The following PRKCA variants were observed in gnomAD, a reference collection of about 807,000 sequenced individuals.
PRKCA encodes the protein protein kinase C alpha.
Under a neutral mutation model 87.0 loss-of-function variants are expected in PRKCA, and 27 were observed. The observed-to-expected ratio is 0.31, with a 90% CI of 0.23 to 0.43. PRKCA has a LOEUF of 0.43. Among genes scored for constraint, PRKCA ranks in the 20% least tolerant of loss-of-function variants. The pLI, the probability that PRKCA is intolerant of heterozygous loss-of-function variation, is 1.00. For synonymous variants in PRKCA, 329 were observed against 311.1 expected (o/e 1.06, Z -0.61); for missense variants, 518 against 852.3 (o/e 0.61, Z 4.88).
chr17:66,313,106 C>T (rs116054863), intron 2 of PRKCA, among the ~76,000 whole-genome samples: 3,512 of 152,132 alleles, frequency 0.023, 138 homozygotes, highest in African/African-American at 0.08. Flanking sequence ...GTTTTGAGTG[C>T]GAGGACTGAG....
intron 3 of PRKCA, among the ~76,000 whole-genome samples, chr17:66,585,370 T>A (rs1475582196): frequency 6.6e-6 from 1 of 152,224 alleles, no homozygotes; most frequent in Non-Finnish European, 1.5e-5. Context: ...TCCAGCTTGC[T>A]TATCTATGTC....
chr17:66,731,779 T>A, intron 8 of PRKCA, among the ~76,000 whole-genome samples: 1 of 102,466 alleles, frequency 9.8e-6, no homozygotes, highest in African/African-American at 3.6e-5. Context: ...CCCTTTCTTT[T>A]TTTTTTTTTT....
chr17:66,686,662 CCTT>C (rs1206379299), intron 5 of PRKCA, among the ~76,000 whole-genome samples: 1 of 152,120 alleles, frequency 6.6e-6, no homozygotes, highest in Non-Finnish European at 1.5e-5. Flanking sequence ...AGGGATAACA[CCTT>C]CTGGGAGCTC....
At chr17:66,565,114 G>C (rs1262166933) in intron 3 of PRKCA, among the ~76,000 whole-genome samples, 2 of 152,312 alleles carry the variant, frequency 1.3e-5, no homozygotes, top group East Asian at 3.9e-4. Flanking sequence ...ACTTTTGGCA[G>C]TTCCTTACCC....
chr17:66,703,744 G>A (rs985686305), intron 8 of PRKCA: 1 of 151,360 alleles, frequency 6.6e-6, no homozygotes, highest in African/African-American at 2.4e-5. Context: ...GCAGTGAGCT[G>A]AGATCGTGCC....
chr17:66,592,507 C>T (rs1969840794), intron 3 of PRKCA, among the ~76,000 whole-genome samples: 1 of 146,176 alleles, frequency 6.8e-6, no homozygotes, highest in Admixed American at 6.7e-5. Flanking sequence ...GTAAAACTTC[C>T]TCCTTTGTTC....
intron 2 of PRKCA, among the ~76,000 whole-genome samples, chr17:66,392,248 A>G (rs1240914837): frequency 6.6e-6 from 1 of 151,946 alleles, no homozygotes; most frequent in Admixed American, 6.6e-5. Context: ...CAAAAAAAAA[A>G]ATGTGGTTAC....
At chr17:66,641,332 C>A (rs1971291813) in intron 3 of PRKCA, 23 bp from the exon 4 acceptor site, 2 of 1,560,106 alleles carry the variant, frequency 1.3e-6, no homozygotes, top group East Asian at 2.2e-5. Context: ...CTAAAATGAG[C>A]ATTGTGCTTC....
At chr17:66,650,060 G>A (rs572591681) in intron 5 of PRKCA, among the ~76,000 whole-genome samples, 268 of 152,308 alleles carry the variant, frequency 1.8e-3, no homozygotes, top group African/African-American at 5.9e-3. Flanking sequence ...GTCCAGATGC[G>A]AGTGATTTCT....
Position 66,403,734 on chromosome 17 carries a change from C to A in PRKCA, c.206-92467C>A, listed in dbSNP as rs572156715. Reference sequence around the variant, plus strand: ...ACAGAACTCAGCAGTAGCCATAAATCCATTTATGAACAGTTCAAGTAATAG... The same window carrying A: ...ACAGAACTCAGCAGTAGCCATAAATACATTTATGAACAGTTCAAGTAATAG... On this transcript the variant is annotated intron_variant, in intron 2 of 16. Transcript: ENST00000413366. 7 of 152,174 alleles carry A rather than the reference C, an allele frequency of 4.6e-5. No homozygotes were observed. The South Asian group carries it at 1.5e-3, about 32-fold the overall frequency. 9.4% of individuals were successfully genotyped at this position (152,174 alleles called of 1,614,324 possible). A position where few individuals can be genotyped will look rare whatever the true frequency, so the allele number is the denominator to read the frequency against.
intron 2 of PRKCA, among the ~76,000 whole-genome samples, chr17:66,436,069 G>A (rs1257457714): frequency 6.6e-6 from 1 of 152,098 alleles, no homozygotes; most frequent in Non-Finnish European, 1.5e-5. Flanking sequence ...GAAAAGGGGG[G>A]TCCCATTTTC....
At chr17:66,796,911 G>C in intron 16 of PRKCA, 1 of 985,340 alleles carries the variant, frequency 1.0e-6, no homozygotes, top group South Asian at 4.7e-5. Flanking sequence ...ACCTCGTTAG[G>C]TTTCCTTTCT....
intron 3 of PRKCA, among the ~76,000 whole-genome samples, chr17:66,640,640 A>C (rs973297750): frequency 3.9e-5 from 6 of 152,196 alleles, no homozygotes; most frequent in Non-Finnish European, 5.9e-5. Flanking sequence ...TGAATGATCC[A>C]TTTAGGGTTG....
intron 8 of PRKCA, among the ~76,000 whole-genome samples, chr17:66,729,677 A>AT (rs1973836872): frequency 6.6e-6 from 1 of 151,898 alleles, no homozygotes; most frequent in African/African-American, 2.4e-5. Flanking sequence ...TATCAGGGCC[A>AT]TCTCTCCCTC....
chr17:66,656,427 T>C (rs988494705), intron 5 of PRKCA, among the ~76,000 whole-genome samples: 5 of 152,238 alleles, frequency 3.3e-5, no homozygotes, highest in African/African-American at 7.2e-5. Context: ...GACATTGATA[T>C]TGACTGAGCA....
rs896840161 is a variant in PRKCA at position 66,578,135 on chromosome 17, TAAAACAAAAC to T, written c.289-63203_289-63194del. ...CAGCCAGCTAACGAGAGACTGAATT[TAAAACAAAAC>T]AAAACAAAACAAAACAGCCCTCATT... On this transcript the variant is annotated intron_variant, in intron 3 of 16. Transcript: ENST00000413366. Among the ~76,000 whole-genome samples, 378 of 140,466 alleles carry T rather than the reference TAAAACAAAAC, an allele frequency of 2.7e-3. 4 individuals carry two copies. The highest frequency in any genetic ancestry group is 4.0e-3 in the Non-Finnish European group (261 of 64,882). The allele number at this position is 140,466 out of a possible 152,430, so 92.2% of individuals were successfully genotyped here.
chr17:66,313,021 G>C (rs1171916854), intron 2 of PRKCA, among the ~76,000 whole-genome samples: 1 of 152,070 alleles, frequency 6.6e-6, no homozygotes, highest in Non-Finnish European at 1.5e-5. Flanking sequence ...TTACAGGCGT[G>C]AGCTCCCGCG....
chr17:66,329,589 G>A (rs1906199170), intron 2 of PRKCA, among the ~76,000 whole-genome samples: 1 of 152,194 alleles, frequency 6.6e-6, no homozygotes, highest in Non-Finnish European at 1.5e-5. Flanking sequence ...GGCAGGGTTT[G>A]CCCAGAGAGG....
chr17:66,802,864 G>C (rs558306326), intron 16 of PRKCA, among the ~76,000 whole-genome samples: 8 of 152,332 alleles, frequency 5.3e-5, no homozygotes, highest in African/African-American at 1.9e-4. Flanking sequence ...TATTGGCCCT[G>C]TGGTGCTAGC....
Sources: allele counts gnomAD v4.1 joint callset (sites outside exome capture counted in the v4.1 genomes callset), GRCh38; gene constraint gnomAD v4.1.1; transcripts MANE v1.5; gene names NCBI Gene and HGNC (gene_info 2026-07-23, HGNC 2026-07-21).